The following CHRM3 variants were observed in gnomAD, a reference collection of about 807,000 sequenced individuals.
CHRM3 encodes cholinergic receptor muscarinic 3, also known as muscarinic acetylcholine receptor M3.
CHRM3 carries 11 observed loss-of-function variants against 41.8 expected under a neutral mutation model. That is an observed-to-expected ratio of 0.26 (90% CI 0.17 to 0.44). CHRM3 has a LOEUF of 0.44. Ranked by LOEUF, CHRM3 falls within the 20% of genes least tolerant of loss-of-function variation. CHRM3 has a pLI of 1.00. For synonymous variants in CHRM3, 297 were observed against 301.4 expected, an observed-to-expected ratio of 0.99 and a Z score of 0.15; for missense variants, 571 against 745.4, an observed-to-expected ratio of 0.77 and a Z score of 2.72.
intron 1 of CHRM3, among the ~76,000 whole-genome samples, chr1:239,437,510 G>A (rs1164601401): frequency 1.6e-4 from 25 of 152,144 alleles, no homozygotes; most frequent in Admixed American, 1.6e-3. Flanking sequence ...CAGAATTGTG[G>A]TGACATGGAA....
chr1:239,426,941 G>C (rs1255800348), intron 1 of CHRM3, among the ~76,000 whole-genome samples: 4 of 152,140 alleles, frequency 2.6e-5, no homozygotes, highest in Non-Finnish European at 4.4e-5. Context: ...GTGGGTGGAT[G>C]GTTGTCTGTT....
At chr1:239,671,005 T>C (rs560965731) in intron 4 of CHRM3, among the ~76,000 whole-genome samples, 1 of 152,344 alleles carries the variant, frequency 6.6e-6, no homozygotes, top group Non-Finnish European at 1.5e-5. Flanking sequence ...TTGTACCACA[T>C]TACATTCCCA....
At chr1:239,560,444 A>G (rs1458550824) in intron 3 of CHRM3, among the ~76,000 whole-genome samples, 1 of 152,194 alleles carries the variant, frequency 6.6e-6, no homozygotes, top group African/African-American at 2.4e-5. Flanking sequence ...AAATATTTTT[A>G]TACTTTAGAC....
intron 3 of CHRM3, among the ~76,000 whole-genome samples, chr1:239,592,927 C>G (rs1448273241): frequency 6.6e-6 from 1 of 152,024 alleles, no homozygotes; most frequent in Non-Finnish European, 1.5e-5. Context: ...TCCCACTCCA[C>G]CCCAGATCCG....
chr1:239,591,882 C>T (rs1308519572), intron 3 of CHRM3, among the ~76,000 whole-genome samples: 2 of 152,124 alleles, frequency 1.3e-5, no homozygotes, highest in African/African-American at 4.8e-5. Context: ...TCTATGTCCT[C>T]AGGAGGGAAA....
intron 1 of CHRM3, among the ~76,000 whole-genome samples, chr1:239,428,525 C>T (rs756535517): frequency 6.6e-6 from 1 of 152,150 alleles, no homozygotes; most frequent in Admixed American, 6.5e-5. Flanking sequence ...GCACAGGGAA[C>T]ATTACATAGC....
intron 5 of CHRM3, among the ~76,000 whole-genome samples, chr1:239,782,640 C>T (rs1410894348): frequency 6.6e-6 from 1 of 151,906 alleles, no homozygotes; most frequent in Non-Finnish European, 1.5e-5. Flanking sequence ...ATTATTATTT[C>T]TTTTCTATCT....
chr1:239,598,656 C>A (rs1230822186), intron 3 of CHRM3, among the ~76,000 whole-genome samples: 1 of 152,156 alleles, frequency 6.6e-6, no homozygotes, highest in Non-Finnish European at 1.5e-5. Flanking sequence ...GAAGCAGCAA[C>A]AAAGGTTTCA....
At chr1:239,456,192 G>A (rs1346095433) in intron 1 of CHRM3, among the ~76,000 whole-genome samples, 1 of 152,198 alleles carries the variant, frequency 6.6e-6, no homozygotes, top group Non-Finnish European at 1.5e-5. Flanking sequence ...CTTACCAGCA[G>A]AAGGGTCAAT....
chr1:239,412,354 C>A (rs1241957997), intron 1 of CHRM3, among the ~76,000 whole-genome samples: 1 of 912 alleles, frequency 1.1e-3, no homozygotes, highest in Non-Finnish European at 3.0e-3. Flanking sequence ...CCCTCTTTTC[C>A]TCCAGGAGTC....
chr1:239,637,623 G>A (rs919886666), intron 4 of CHRM3, among the ~76,000 whole-genome samples: 6 of 137,556 alleles, frequency 4.4e-5, no homozygotes, highest in East Asian at 2.2e-4. Context: ...CTCTTCACTC[G>A]TCCCAAGGTC....
At chr1:239,744,388 G>T (rs1665158289) in intron 5 of CHRM3, among the ~76,000 whole-genome samples, 1 of 152,088 alleles carries the variant, frequency 6.6e-6, no homozygotes, top group Non-Finnish European at 1.5e-5. Context: ...TGGTGATGGG[G>T]GAATAGCAGA....
At chr1:239,875,955 TAGG>T (rs753412520) in intron 6 of CHRM3, among the ~76,000 whole-genome samples, 2 of 152,206 alleles carry the variant, frequency 1.3e-5, no homozygotes, top group African/African-American at 2.4e-5. Context: ...TGAAATGTTG[TAGG>T]AGAAGGAAAT....
intron 2 of CHRM3, among the ~76,000 whole-genome samples, chr1:239,533,896 A>C (rs2148348744): frequency 6.6e-6 from 1 of 152,232 alleles, no homozygotes; most frequent in Non-Finnish European, 1.5e-5. Flanking sequence ...ACAATTCAAG[A>C]TGAGATTTGG....
In CHRM3 at chr1:239,911,783, A is replaced by G. The variant is rs1680379040; in HGVS notation, c.*2559A>G. 1 of 166,922 alleles carries G rather than the reference A, an allele frequency of 6.0e-6. No homozygotes were observed. The highest frequency in any genetic ancestry group is 2.1e-4 in the South Asian group (1 of 4,832). The allele number at this position is 166,922 out of a possible 1,614,324, so 10.3% of individuals were successfully genotyped here. ...CCTCTTATGGATGAAAGCTGCATTT[A>G]AATACTATCTACTGATTTTATAGAA... is the stretch of plus-strand genomic sequence containing the variant. On this transcript the variant is annotated 3_prime_UTR_variant, in exon 7 of 7. Transcript: ENST00000676153.
intron 3 of CHRM3, among the ~76,000 whole-genome samples, chr1:239,556,473 C>T (rs1203391343): frequency 6.6e-6 from 1 of 151,918 alleles, no homozygotes; most frequent in Non-Finnish European, 1.5e-5. Flanking sequence ...CCCTTTTTTT[C>T]CACTACTTCA....
At chr1:239,412,794 A>G (rs1172088008) in intron 1 of CHRM3, among the ~76,000 whole-genome samples, 1 of 152,112 alleles carries the variant, frequency 6.6e-6, no homozygotes, top group Admixed American at 6.6e-5. Flanking sequence ...ATTATTATTA[A>G]TGGTCCACCA....
At chr1:239,809,263 GC>G (rs1670921677) in intron 5 of CHRM3, among the ~76,000 whole-genome samples, 1 of 151,742 alleles carries the variant, frequency 6.6e-6, no homozygotes, top group Non-Finnish European at 1.5e-5. Flanking sequence ...CACGTGATCC[GC>G]CCGCCTCGGC....
chr1:239,751,053 C>T (rs1297074071), intron 5 of CHRM3, among the ~76,000 whole-genome samples: 3 of 151,968 alleles, frequency 2.0e-5, no homozygotes, highest in Non-Finnish European at 2.9e-5. Flanking sequence ...CATGGTGAAA[C>T]TCCGTCTCTA....
Sources: gnomAD v4.1 joint callset for allele counts (sites outside exome capture counted in the v4.1 genomes callset) on GRCh38, gnomAD v4.1.1 for gene constraint, MANE v1.5 for transcripts, NCBI Gene and HGNC (gene_info 2026-07-23, HGNC 2026-07-21) for gene names.